SCAMP1: variants seen among roughly 807,000 people sequenced by gnomAD.
SCAMP1 encodes the protein secretory carrier membrane protein 1.
In SCAMP1, 15 loss-of-function variants were observed where a neutral mutation model predicts 41.8. The ratio of observed to expected loss-of-function variants is 0.36; its 90% CI spans 0.24 to 0.55. The LOEUF (loss-of-function observed/expected upper bound fraction) is 0.55, where lower values mean the gene tolerates loss of function less well. Ranked by LOEUF, SCAMP1 falls within the 20% of genes least tolerant of loss-of-function variation. The pLI is 0.86. For synonymous variants in SCAMP1, 135 were observed against 136.8 expected (o/e 0.99, Z 0.09); for missense variants, 341 against 412.6 (o/e 0.83, Z 1.50).
At chr5:78,440,949 G>A (rs1190391883) in intron 6 of SCAMP1, among the ~76,000 whole-genome samples, 5 of 152,206 alleles carry the variant, frequency 3.3e-5, no homozygotes, top group Non-Finnish European at 7.3e-5. Context: ...CTTGCAGTTC[G>A]ATCTCAGACT....
intron 8 of SCAMP1, among the ~76,000 whole-genome samples, chr5:78,462,525 T>C (rs766093786): frequency 3.9e-5 from 6 of 152,164 alleles, no homozygotes; most frequent in Non-Finnish European, 7.3e-5. Context: ...GATTTCGCCA[T>C]GTTGGCCAGT....
chr5:78,466,528 CA>C (rs1351477373), intron 8 of SCAMP1, among the ~76,000 whole-genome samples: 2 of 152,020 alleles, frequency 1.3e-5, no homozygotes, highest in Non-Finnish European at 2.9e-5. Context: ...AATAACATGG[CA>C]AATTCAGGGA....
intron 8 of SCAMP1, among the ~76,000 whole-genome samples, chr5:78,471,450 C>G (rs1274014424): frequency 6.6e-6 from 1 of 151,992 alleles, no homozygotes; most frequent in East Asian, 1.9e-4. Context: ...AAACTCAAAA[C>G]AAGAATTTAA....
chr5:78,428,530 C>G (rs1752521919), intron 6 of SCAMP1, among the ~76,000 whole-genome samples: 2 of 152,040 alleles, frequency 1.3e-5, no homozygotes, highest in Non-Finnish European at 2.9e-5. Context: ...GTTAATGTTG[C>G]TTTATAGTTA....
chr5:78,415,683 G>A, intron 3 of SCAMP1, 65 bp downstream of exon 3: 1 of 1,008,956 alleles, frequency 9.9e-7, no homozygotes, highest in Non-Finnish European at 1.5e-6. Flanking sequence ...TTTGCTTTCA[G>A]AGCAAAATAA....
intron 2 of SCAMP1, among the ~76,000 whole-genome samples, chr5:78,396,854 A>G (rs1751663595): frequency 6.6e-6 from 1 of 152,238 alleles, no homozygotes; most frequent in Non-Finnish European, 1.5e-5. Context: ...ATTAAGACAG[A>G]AAATTTATCA....
At chr5:78,423,712 T>G (rs1752397035) in intron 6 of SCAMP1, among the ~76,000 whole-genome samples, 1 of 151,898 alleles carries the variant, frequency 6.6e-6, no homozygotes. Context: ...GAAATAAAAA[T>G]GCTTGGTGGA....
chr5:78,388,981 T>A (rs936073711), intron 2 of SCAMP1, 67 bp downstream of exon 2: 13 of 825,870 alleles, frequency 1.6e-5, no homozygotes, highest in African/African-American at 3.5e-5. Context: ...TAACTATGAT[T>A]TCTTTTTTAG....
intron 1 of SCAMP1, chr5:78,370,739 T>C (rs180716854): frequency 4.0e-4 from 61 of 152,360 alleles, no homozygotes; most frequent in African/African-American, 1.4e-3. Context: ...TGTTTAATCA[T>C]GGAGGAGCTT....
At chr5:78,364,680 A>G (rs1363101691) in intron 1 of SCAMP1, among the ~76,000 whole-genome samples, 1 of 152,122 alleles carries the variant, frequency 6.6e-6, no homozygotes, top group Non-Finnish European at 1.5e-5. Context: ...AGCAGAGGAT[A>G]GGATTAAAAA....
intron 2 of SCAMP1, among the ~76,000 whole-genome samples, chr5:78,397,902 C>T (rs1052211802): frequency 1.3e-5 from 2 of 152,204 alleles, no homozygotes; most frequent in Non-Finnish European, 2.9e-5. Flanking sequence ...AGGAGGATAC[C>T]ACTTCACATC....
chr5:78,369,202 G>T (rs1157798232), intron 1 of SCAMP1, among the ~76,000 whole-genome samples: 1 of 151,898 alleles, frequency 6.6e-6, no homozygotes, highest in Non-Finnish European at 1.5e-5. Flanking sequence ...CACCACGCAG[G>T]TTCAAGCGAT....
rs1554041428 is a variant in SCAMP1, at chr5:78,382,811, G to GTGTGTT, written c.58-6021_58-6020insTTGTGT. ...TGTGTGTGTGTGTGTGTGTGTGTGT[G>GTGTGTT]TGTGTGTGCGCCACATTTTCTGTAT... On this transcript the variant is annotated intron_variant, in intron 1 of 8. Coordinates refer to ENST00000621999, the MANE Select transcript of SCAMP1 (RefSeq NM_004866.6). Among the ~76,000 whole-genome samples the GTGTGTT allele has an allele frequency of 2.9e-3, 203 of 69,272 alleles. 1 individual carries two copies. The highest frequency in any genetic ancestry group is 7.6e-3 in the African/African-American group (188 of 24,786). The allele number at this position is 69,272 out of a possible 152,430, so 45.4% of individuals were successfully genotyped here.
At chr5:78,405,986 T>C (rs1751925293) in intron 2 of SCAMP1, among the ~76,000 whole-genome samples, 1 of 152,228 alleles carries the variant, frequency 6.6e-6, no homozygotes, top group Non-Finnish European at 1.5e-5. Flanking sequence ...AACAAGGGAA[T>C]CTGTGTTAAG....
At chr5:78,394,131 G>C (rs143420305) in intron 2 of SCAMP1, among the ~76,000 whole-genome samples, 6 of 152,262 alleles carry the variant, frequency 3.9e-5, no homozygotes, top group African/African-American at 1.4e-4. Context: ...TCCAGGTACT[G>C]ACAGTGTGAG....
At position 78,479,857 on chromosome 5, in the gene SCAMP1, A is replaced by G. The variant is rs150447218; in HGVS notation, c.*4189A>G. 0.046 allele frequency among the ~76,000 whole-genome samples: 7,018 copies of G among 152,098 alleles called. 457 individuals carry two copies. The highest frequency in any genetic ancestry group is 0.15 in the African/African-American group (6,096 of 41,418). ...GGAGATCGAAACCATCCTGGCTAAC[A>G]TGGTGAAACCCCATCTCTACTAAAA... On this transcript the variant is annotated 3_prime_UTR_variant, in exon 9 of 9. Transcript: ENST00000621999.
Position 78,388,861 on chromosome 5 carries a change from A to G in SCAMP1, c.82A>G (p.Arg28Gly). 6.4e-7 allele frequency: 1 copy of G among 1,557,054 alleles called. No individual in the cohort carries two copies. Among genetic ancestry groups the G allele is most frequent in the East Asian group, 2.3e-5 (1 of 44,384 alleles). ...GGATCCATCAGTTACACAAGTGACA[A>G]GAAATGTTCCACCAGGACTTGATGA... ...FKDPSVTQVT[R>G]NVPPGLDEYN... The change falls in exon 2 of 9, where the codon AGA (arginine) becomes GGA (glycine). Residue 28 changes from arginine (R) to glycine (G), a missense_variant. Transcript: ENST00000621999.
intron 2 of SCAMP1, among the ~76,000 whole-genome samples, chr5:78,414,408 A>G (rs1037738561): frequency 6.6e-6 from 1 of 151,786 alleles, no homozygotes; most frequent in African/African-American, 2.4e-5. Context: ...TCAGCCTCCC[A>G]AGTAGCTGGG....
intron 6 of SCAMP1, among the ~76,000 whole-genome samples, chr5:78,433,415 C>T (rs1295826565): frequency 1.3e-5 from 2 of 152,144 alleles, no homozygotes; most frequent in African/African-American, 2.4e-5. Context: ...CCTCAGGGCA[C>T]AGCTGAAGAC....
Sources: gnomAD v4.1 joint callset for allele counts (sites outside exome capture counted in the v4.1 genomes callset) on GRCh38, gnomAD v4.1.1 for gene constraint, MANE v1.5 for transcripts, NCBI Gene and HGNC (gene_info 2026-07-23, HGNC 2026-07-21) for gene names.